EPC1: variants seen among roughly 807,000 people sequenced by gnomAD.
EPC1 encodes enhancer of polycomb 1, also known as enhancer of polycomb homolog 1.
Under a neutral mutation model 98.4 loss-of-function variants are expected in EPC1, and 12 were observed. The ratio of observed to expected loss-of-function variants is 0.12; its 90% CI spans 0.08 to 0.20. EPC1 has a LOEUF of 0.20. Ranked by LOEUF, EPC1 falls within the 10% of genes least tolerant of loss-of-function variation. EPC1 has a pLI of 1.00. For missense variants in EPC1, 729 were observed against 990.5 expected, an observed-to-expected ratio of 0.74 and a Z score of 3.54; for synonymous variants, 357 against 363.9, an observed-to-expected ratio of 0.98 and a Z score of 0.21.
intron 2 of EPC1, among the ~76,000 whole-genome samples, chr10:32,304,274 T>G (rs1199046419): frequency 1.3e-5 from 2 of 152,234 alleles, no homozygotes; most frequent in Non-Finnish European, 2.9e-5. Context: ...TAAATTAGTA[T>G]AATTTTATCT....
At position 32,345,864 on chromosome 10, in the gene EPC1, G is replaced by A. The variant is rs41276066; in HGVS notation, c.153+899C>T. On this transcript the variant is annotated intron_variant, in intron 1 of 13. Transcript: ENST00000319778. ...AGATCTATAAAAGTTACTTAAATTGGGTCTTTTCTCCCCCTATGTTGAGAT... is the reference window on the plus strand; with the variant it reads ...AGATCTATAAAAGTTACTTAAATTGAGTCTTTTCTCCCCCTATGTTGAGAT... Among the ~76,000 whole-genome samples the A allele has an allele frequency of 2.7e-3, 416 of 152,136 alleles. 5 individuals carry two copies. Among genetic ancestry groups the A allele is most frequent in the Middle Eastern group, 0.014 (4 of 294 alleles).
chr10:32,331,043 A>G (rs1041597621), intron 1 of EPC1, among the ~76,000 whole-genome samples: 4 of 152,194 alleles, frequency 2.6e-5, no homozygotes, highest in Admixed American at 2.0e-4. Context: ...GAATCAAGGT[A>G]TATTATTTTT....
intron 1 of EPC1, among the ~76,000 whole-genome samples, chr10:32,324,752 G>C (rs1837165829): frequency 6.6e-6 from 1 of 151,660 alleles, no homozygotes; most frequent in Non-Finnish European, 1.5e-5. Flanking sequence ...CCAGCACTTT[G>C]GGAGGCCGAG....
upstream of EPC1, chr10:32,347,321 C>T (rs376321898): frequency 4.0e-6 from 2 of 496,958 alleles, no homozygotes; most frequent in African/African-American, 4.2e-5. Flanking sequence ...CCTCGCTGCT[C>T]CGGGCCCCCG....
chr10:32,284,568 ATTTT>A, intron 10 of EPC1, 126 bp downstream of exon 10: 1 of 667,324 alleles, frequency 1.5e-6, no homozygotes, highest in South Asian at 2.3e-5. Context: ...TTAGACCAAG[ATTTT>A]TTTTTTAACT....
At position 32,279,649 on chromosome 10, in the gene EPC1, A is replaced by C. The variant is rs16933186; in HGVS notation, c.1744+5049T>G. 6.8e-3 allele frequency among the ~76,000 whole-genome samples: 1,033 copies of C among 152,314 alleles called. 15 individuals carry two copies. Among genetic ancestry groups the C allele is most frequent in the African/African-American group, 0.022 (912 of 41,566 alleles). ...GAATGCTGGTGAAATTTTACTGGAA[A>C]TTAGGAATTCACATATTGAACATAG... On this transcript the variant is annotated intron_variant, in intron 10 of 13. Transcript: ENST00000319778.
intron 1 of EPC1, among the ~76,000 whole-genome samples, chr10:32,322,838 T>C (rs1164290853): frequency 1.3e-5 from 2 of 151,722 alleles, no homozygotes; most frequent in African/African-American, 4.8e-5. Context: ...GGAAGGGTAG[T>C]GGGGAGGGAG....
intron 1 of EPC1, among the ~76,000 whole-genome samples, chr10:32,345,864 G>T (rs41276066): frequency 6.6e-6 from 1 of 152,136 alleles, no homozygotes; most frequent in African/African-American, 2.4e-5. Flanking sequence ...ACTTAAATTG[G>T]GTCTTTTCTC....
At chr10:32,368,640 G>A (rs191386634) in intron 1 of EPC1, among the ~76,000 whole-genome samples, 1 of 152,248 alleles carries the variant, frequency 6.6e-6, no homozygotes, top group Non-Finnish European at 1.5e-5. Flanking sequence ...TACTCTATGT[G>A]ACTCATTGAC....
chr10:32,369,015 G>A (rs1048336617), intron 1 of EPC1, among the ~76,000 whole-genome samples: 3 of 152,216 alleles, frequency 2.0e-5, no homozygotes, highest in African/African-American at 7.2e-5. Context: ...TGTACTTCAA[G>A]TGTTCTCCTA....
In EPC1 at chr10:32,287,239, T is replaced by A; in HGVS notation, c.1011A>T (p.Lys337Asn). Residue 337 changes from lysine to asparagine, a missense_variant, in exon 7 of 14, where the codon AAA (lysine) becomes AAT (asparagine). This residue lies in a region of EPC1 where 390 missense variants were observed against 438.6 expected (regional missense o/e 0.89). Transcript: ENST00000319778. ...GTAAGACTTTGGGCTTCTTTTCATA[T>A]TTCCGTTTCGGTCGGATAAGATCGG... ...DKADLIRPKR[K>N]YEKKPKVLPS... The A allele has an allele frequency of 3.1e-6, 5 of 1,614,178 alleles. No individual in the cohort carries two copies. The highest frequency in any genetic ancestry group is 4.2e-6 in the Non-Finnish European group (5 of 1,180,048).
At chr10:32,305,493 A>G (rs1164201558) in intron 2 of EPC1, among the ~76,000 whole-genome samples, 1 of 127,942 alleles carries the variant, frequency 7.8e-6, no homozygotes, top group Non-Finnish European at 1.7e-5. Flanking sequence ...AACTATTTCT[A>G]TATCTGAGTT....
At chr10:32,278,772 T>C (rs1208010309) in intron 10 of EPC1, among the ~76,000 whole-genome samples, 1 of 152,148 alleles carries the variant, frequency 6.6e-6, no homozygotes, top group Non-Finnish European at 1.5e-5. Context: ...GATCTCCTAA[T>C]TAGTGAGATT....
chr10:32,296,886 G>A (rs139890155), intron 2 of EPC1, among the ~76,000 whole-genome samples: 174 of 149,206 alleles, frequency 1.2e-3, no homozygotes, highest in African/African-American at 3.6e-3. Flanking sequence ...TAGCCTGGGC[G>A]ACAGAGCAAG....
At chr10:32,278,725 A>G (rs1356411111) in intron 10 of EPC1, among the ~76,000 whole-genome samples, 2 of 152,212 alleles carry the variant, frequency 1.3e-5, no homozygotes, top group Non-Finnish European at 2.9e-5. Context: ...ATATAAAACA[A>G]AAGGTAAAAT....
upstream of EPC1, among the ~76,000 whole-genome samples, chr10:32,350,817 A>T (rs1391304397): frequency 6.6e-6 from 1 of 152,240 alleles, no homozygotes; most frequent in Non-Finnish European, 1.5e-5. Flanking sequence ...TACATTTGAA[A>T]TACAGCTCTA....
chr10:32,335,826 C>T (rs997994955), intron 1 of EPC1, among the ~76,000 whole-genome samples: 33 of 152,220 alleles, frequency 2.2e-4, no homozygotes, highest in Middle Eastern at 3.4e-3. Context: ...CTAGATTTTG[C>T]GTTCACTAAT....
chr10:32,364,108 G>T (rs529691872), intron 1 of EPC1, among the ~76,000 whole-genome samples: 1 of 142,630 alleles, frequency 7.0e-6, no homozygotes, highest in African/African-American at 2.5e-5. Context: ...TCTGTGTCCC[G>T]GGTTCAAGTG....
Position 32,339,413 on chromosome 10 carries a change from C to T in EPC1, c.153+7350G>A, listed in dbSNP as rs145269275. ...TACCTAAATTAGCTGGGCATGGTGG[C>T]ACACACCTGTAGCCCCAGCTACTCA... On this transcript the variant is annotated intron_variant, in intron 1 of 13. Coordinates refer to ENST00000319778, the MANE Select transcript of EPC1 (RefSeq NM_001272004.3). 5.2e-4 allele frequency among the ~76,000 whole-genome samples: 79 copies of T among 152,178 alleles called. 1 individual carries two copies. In the East Asian group the frequency reaches 0.014, roughly 28 times the overall value.
Sources: gnomAD v4.1 joint callset for allele counts (sites outside exome capture counted in the v4.1 genomes callset) on GRCh38, gnomAD v4.1.1 for gene constraint, gnomAD v4.1.1 regional missense constraint, MANE v1.5 for transcripts, NCBI Gene and HGNC (gene_info 2026-07-23, HGNC 2026-07-21) for gene names.